AK4: variants seen among roughly 807,000 people sequenced by gnomAD.
AK4 encodes adenylate kinase 4.
In AK4, 13 loss-of-function variants were observed where a neutral mutation model predicts 24.6. The ratio of observed to expected loss-of-function variants is 0.53; its 90% CI spans 0.34 to 0.84. AK4 has a LOEUF of 0.84. AK4 is among the 40% of genes least tolerant of loss of function. The pLI is 0.01. For missense variants in AK4, 192 were observed against 288.2 expected (o/e 0.67, Z 2.42); for synonymous variants, 88 against 107.0 (o/e 0.82, Z 1.10).
chr1:65,192,715 A>C (rs1317934155), intron 2 of AK4, among the ~76,000 whole-genome samples: 1 of 152,210 alleles, frequency 6.6e-6, no homozygotes, highest in East Asian at 1.9e-4. Flanking sequence ...CAAGTCATCT[A>C]CTTCCAAAAT....
intron 1 of AK4, among the ~76,000 whole-genome samples, chr1:65,182,537 T>TAAAAAA (rs961359415): frequency 1.4e-4 from 21 of 145,012 alleles, no homozygotes; most frequent in African/African-American, 5.0e-4. Flanking sequence ...GACATTCAGA[T>TAAAAAA]AAAAAAAAAA....
chr1:65,148,339 G>T lies in AK4; in HGVS notation c.-69G>T. ...CAGAGGTAGGGGGCCGAGAAACAAA[G>T]TTCCCGGGGCTTCCTCCGGGGCCGC... On this transcript the variant is annotated 5_prime_UTR_variant, in exon 1 of 5. Transcript: ENST00000327299. 6.7e-7 allele frequency: 1 copy of T among 1,487,834 alleles called. No individual in the cohort carries two copies. The highest frequency in any genetic ancestry group is 8.9e-7 in the Non-Finnish European group (1 of 1,119,702). 92.2% of individuals were successfully genotyped at this position (1,487,834 alleles called of 1,614,324 possible). A position where few individuals can be genotyped will look rare whatever the true frequency, so the allele number is the denominator to read the frequency against.
At chr1:65,180,257 G>T (rs139889166) in intron 1 of AK4, among the ~76,000 whole-genome samples, 1 of 152,248 alleles carries the variant, frequency 6.6e-6, no homozygotes, top group South Asian at 2.1e-4. Flanking sequence ...AGACCAGCCT[G>T]GGCAACATGG....
At position 65,206,112 on chromosome 1, in the gene AK4, CATT is replaced by C. The variant is rs1651804623; in HGVS notation, c.266-12639_266-12637del. Among the ~76,000 whole-genome samples, 2 of 152,274 alleles carry C rather than the reference CATT, an allele frequency of 1.3e-5. 1 individual carries two copies. Among genetic ancestry groups the C allele is most frequent in the Middle Eastern group, 6.8e-3 (2 of 294 alleles). ...CTCTCCTTACATTATTATAATGTGA[CATT>C]ATGTATTTATGAGCATATTCGATTT... On this transcript the variant is annotated intron_variant, in intron 2 of 4. Transcript: ENST00000327299.
intron 1 of AK4, among the ~76,000 whole-genome samples, chr1:65,165,687 G>C (rs1281932154): frequency 1.7e-4 from 26 of 152,156 alleles, no homozygotes. Context: ...ACTCGTAGCA[G>C]AGTATGATGT....
intron 2 of AK4, among the ~76,000 whole-genome samples, chr1:65,216,946 C>CTGTT (rs1275559015): frequency 1.3e-5 from 2 of 152,220 alleles, no homozygotes; most frequent in Non-Finnish European, 2.9e-5. Flanking sequence ...AGTGATCCCA[C>CTGTT]TGCCTCGGCC....
rs142944994 is a variant in AK4 at position 65,160,345 on chromosome 1, G to A, written c.145+11793G>A. Among the ~76,000 whole-genome samples, 478 of 152,276 alleles carry A rather than the reference G, an allele frequency of 3.1e-3. 3 individuals carry two copies. Among genetic ancestry groups the A allele is most frequent in the African/African-American group, 0.011 (463 of 41,552 alleles). On this transcript the variant is annotated intron_variant, in intron 1 of 4. Coordinates refer to ENST00000327299, the MANE Select transcript of AK4 (RefSeq NM_013410.4). ...ATAAGGCCTGTTGACTGCTTCCAAG[G>A]TTGCACCTTGAACTTTGTATTCTCA...
rs140452004 is a variant in AK4, at chr1:65,161,415, G to A, written c.145+12863G>A. 3.4e-3 allele frequency among the ~76,000 whole-genome samples: 524 copies of A among 152,246 alleles called. 2 individuals are homozygous for A. The highest frequency in any genetic ancestry group is 0.01 in the Middle Eastern group (3 of 294). ...ACGTTCCCAGGAGGCATGGCGGTGC[G>A]CATGCATGCAGGTAGAGCATGGGGG... On this transcript the variant is annotated intron_variant, in intron 1 of 4. Coordinates refer to ENST00000327299, the MANE Select transcript of AK4 (RefSeq NM_013410.4).
intron 2 of AK4, among the ~76,000 whole-genome samples, chr1:65,206,274 C>T (rs774088613): frequency 2.0e-5 from 3 of 152,168 alleles, no homozygotes; most frequent in Non-Finnish European, 4.4e-5. Flanking sequence ...CATCCAGTTG[C>T]AGACAGGTCA....
At chr1:65,198,751 C>T (rs921778958) in intron 2 of AK4, among the ~76,000 whole-genome samples, 1 of 126,938 alleles carries the variant, frequency 7.9e-6, no homozygotes, top group Admixed American at 8.7e-5. Flanking sequence ...ATATGCCTGA[C>T]AGTTTTTTTT....
intron 1 of AK4, 35 bp downstream of exon 1, chr1:65,148,587 C>A (rs776879525): frequency 7.7e-6 from 12 of 1,563,518 alleles, no homozygotes; most frequent in Non-Finnish European, 7.8e-6. Flanking sequence ...CGGGGGCGAG[C>A]CGCGTTGGGC....
chr1:65,220,898 G>T (rs1652275861), intron 3 of AK4, among the ~76,000 whole-genome samples: 1 of 152,136 alleles, frequency 6.6e-6, no homozygotes, highest in Non-Finnish European at 1.5e-5. Flanking sequence ...AGCTTTATAA[G>T]ATCAGGGAGA....
chr1:65,152,358 C>CTATATATATA (rs1439853968), intron 1 of AK4, among the ~76,000 whole-genome samples: 2 of 30,480 alleles, frequency 6.6e-5, no homozygotes, highest in Non-Finnish European at 5.8e-5. Context: ...CTCTCTCTCT[C>CTATATATATA]TCTATATATA....
At chr1:65,200,133 G>GTTTTGTTTTGTTTTC (rs71056084) in intron 2 of AK4, among the ~76,000 whole-genome samples, 1 of 151,226 alleles carries the variant, frequency 6.6e-6, no homozygotes, top group South Asian at 2.1e-4. Flanking sequence ...GTTTTGTTTT[G>GTTTTGTTTTGTTTTC]TCAGAATTTT....
intron 1 of AK4, among the ~76,000 whole-genome samples, chr1:65,180,428 A>G (rs973929877): frequency 2.6e-5 from 4 of 152,234 alleles, no homozygotes; most frequent in Non-Finnish European, 5.9e-5. Flanking sequence ...AGGAAAAGAA[A>G]GTCAAGCTTT....
intron 2 of AK4, among the ~76,000 whole-genome samples, chr1:65,202,791 T>G (rs1372514378): frequency 6.6e-5 from 10 of 150,818 alleles, no homozygotes. Flanking sequence ...AAGAAGACAT[T>G]AACATGATAG....
At chr1:65,183,587 T>TA (rs1650983534) in intron 1 of AK4, among the ~76,000 whole-genome samples, 2 of 152,052 alleles carry the variant, frequency 1.3e-5, no homozygotes, top group African/African-American at 4.8e-5. Context: ...CCTGCAGTGT[T>TA]TATGCTGACT....
intron 1 of AK4, among the ~76,000 whole-genome samples, chr1:65,185,700 G>A (rs960947446): frequency 1.4e-5 from 2 of 144,874 alleles, no homozygotes; most frequent in Non-Finnish European, 1.5e-5. Context: ...TGTAACCTCC[G>A]CCTCTTGGGC....
chr1:65,178,310 C>T (rs888652100), intron 1 of AK4, among the ~76,000 whole-genome samples: 5 of 152,130 alleles, frequency 3.3e-5, no homozygotes, highest in African/African-American at 1.2e-4. Context: ...CAAATCGTGG[C>T]CTGTTGAGGG....
Sources: allele counts gnomAD v4.1 joint callset (sites outside exome capture counted in the v4.1 genomes callset), GRCh38; gene constraint gnomAD v4.1.1; transcripts MANE v1.5; gene names NCBI Gene and HGNC (gene_info 2026-07-23, HGNC 2026-07-21).